ACVR1C: variants seen among roughly 807,000 people sequenced by gnomAD.
ACVR1C encodes the protein activin receptor type-1C.
Under a neutral mutation model 57.9 loss-of-function variants are expected in ACVR1C, and 23 were observed. That is an observed-to-expected ratio of 0.40 (90% CI 0.29 to 0.56). The LOEUF is 0.56. Ranked by LOEUF, ACVR1C falls within the 20% of genes least tolerant of loss-of-function variation. ACVR1C has a pLI of 0.50. For missense variants in ACVR1C, 480 were observed against 607.9 expected, an observed-to-expected ratio of 0.79 and a Z score of 2.21; for synonymous variants, 214 against 215.3, an observed-to-expected ratio of 0.99 and a Z score of 0.05.
intron 4 of ACVR1C, 46 bp downstream of exon 4, chr2:157,550,116 C>A: frequency 6.4e-7 from 1 of 1,570,194 alleles, no homozygotes; most frequent in Non-Finnish European, 8.7e-7. Flanking sequence ...GAGTCTCGCT[C>A]TAGACAGCAT....
chr2:157,560,237 G>A (rs2105228866), intron 2 of ACVR1C, among the ~76,000 whole-genome samples: 1 of 152,226 alleles, frequency 6.6e-6, no homozygotes, highest in South Asian at 2.1e-4. Flanking sequence ...AGACAATGTA[G>A]GCATGATCCC....
chr2:157,549,134 T>C, intron 4 of ACVR1C, among the ~76,000 whole-genome samples: 1 of 152,058 alleles, frequency 6.6e-6, no homozygotes, highest in East Asian at 1.9e-4. Flanking sequence ...GGGGGGTGGA[T>C]AACGAGGTCA....
At chr2:157,615,470 G>A (rs1044284557) in intron 1 of ACVR1C, among the ~76,000 whole-genome samples, 1 of 152,044 alleles carries the variant, frequency 6.6e-6, no homozygotes, top group Non-Finnish European at 1.5e-5. Context: ...GACCTCCCGA[G>A]CTCAAGCAAT....
At chr2:157,573,700 A>G (rs942740005) in intron 2 of ACVR1C, among the ~76,000 whole-genome samples, 12 of 152,252 alleles carry the variant, frequency 7.9e-5, no homozygotes, top group African/African-American at 2.9e-4. Flanking sequence ...TTCATGGACA[A>G]TATTAAGGTG....
chr2:157,556,331 T>G lies in ACVR1C; in HGVS notation c.306A>C (p.Ala102=). Residue 102 remains alanine (A), a splice_region_variant and synonymous_variant, in exon 3 of 9, where the codon GCA becomes GCC. Transcript: ENST00000243349. ...CNNITLHLPT[A]SPNAPKLGPM... is the part of the protein sequence containing the mutation. ...GTCCAAGTTTTGGGGCATTTGGTGA[T>G]GCTACAGTTTAAAGAAGAAAGAACA... 6.2e-7 allele frequency: 1 copy of G among 1,613,680 alleles called. No individual in the cohort carries two copies. Among genetic ancestry groups the G allele is most frequent in the Non-Finnish European group, 8.5e-7 (1 of 1,179,658 alleles).
intron 1 of ACVR1C, among the ~76,000 whole-genome samples, chr2:157,614,410 GC>G (rs1220698193): frequency 6.6e-6 from 1 of 151,960 alleles, no homozygotes; most frequent in Non-Finnish European, 1.5e-5. Flanking sequence ...TTTGTTCTAT[GC>G]CCCCACAATA....
intron 5 of ACVR1C, among the ~76,000 whole-genome samples, chr2:157,543,870 G>A (rs1188753672): frequency 1.3e-5 from 2 of 151,882 alleles, no homozygotes; most frequent in East Asian, 3.9e-4. Flanking sequence ...TGCCATTAAA[G>A]CAAGATCTCT....
At chr2:157,598,710 G>A (rs141246237) in intron 1 of ACVR1C, among the ~76,000 whole-genome samples, 95 of 151,852 alleles carry the variant, frequency 6.3e-4, no homozygotes, top group African/African-American at 2.1e-3. Flanking sequence ...GGCTAATTTT[G>A]TATTTTTAGT....
intron 2 of ACVR1C, among the ~76,000 whole-genome samples, chr2:157,562,587 T>C (rs1265966111): frequency 1.3e-5 from 2 of 151,596 alleles, no homozygotes; most frequent in African/African-American, 4.8e-5. Flanking sequence ...TTCCAAACAA[T>C]TGAAAAGGAG....
intron 1 of ACVR1C, among the ~76,000 whole-genome samples, chr2:157,614,293 T>A (rs1682595913): frequency 6.6e-6 from 1 of 152,212 alleles, no homozygotes; most frequent in South Asian, 2.1e-4. Flanking sequence ...CCTACAAGTA[T>A]GTAGAAGTTC....
chr2:157,590,942 C>T (rs1392452633), intron 1 of ACVR1C, among the ~76,000 whole-genome samples: 1 of 151,900 alleles, frequency 6.6e-6, no homozygotes, highest in Non-Finnish European at 1.5e-5. Flanking sequence ...AATAATATAT[C>T]TCCTCATAGT....
At chr2:157,562,625 G>A (rs1688269090) in intron 2 of ACVR1C, among the ~76,000 whole-genome samples, 1 of 151,810 alleles carries the variant, frequency 6.6e-6, no homozygotes, top group Admixed American at 6.6e-5. Flanking sequence ...ATTTTATGAG[G>A]GCAGCATCAT....
At chr2:157,607,650 G>A (rs956347734) in intron 1 of ACVR1C, among the ~76,000 whole-genome samples, 6 of 151,470 alleles carry the variant, frequency 4.0e-5, no homozygotes, top group African/African-American at 1.5e-4. Flanking sequence ...TTTCATCAGT[G>A]TTTTCTGGTT....
In ACVR1C at chr2:157,568,050, G is replaced by A. The variant is rs1386371159; in HGVS notation, c.305-11718C>T. Among the ~76,000 whole-genome samples, 5 of 150,618 alleles carry A rather than the reference G, an allele frequency of 3.3e-5. No individual in the cohort carries two copies. In the South Asian group the frequency reaches 1.1e-3, roughly 33 times the overall value. On this transcript the variant is annotated intron_variant, in intron 2 of 8. Transcript: ENST00000243349. ...AAACCCTACAAGCCAGAAGAGAGTG[G>A]GGGCCAATATTCAACATTCTTAAAG...
intron 1 of ACVR1C, among the ~76,000 whole-genome samples, chr2:157,615,766 A>C (rs1347787766): frequency 6.6e-6 from 1 of 152,210 alleles, no homozygotes; most frequent in African/African-American, 2.4e-5. Flanking sequence ...TTGTCACTTT[A>C]TTGCAATAGG....
At chr2:157,540,942 G>T in intron 7 of ACVR1C, 148 bp downstream of exon 7, 1 of 954,860 alleles carries the variant, frequency 1.0e-6, no homozygotes, top group Non-Finnish European at 1.5e-6. Context: ...TCCCACTTTT[G>T]CCACTGGAAA....
intron 4 of ACVR1C, 41 bp from the exon 5 acceptor site, chr2:157,544,653 G>A (rs752157647): frequency 6.5e-7 from 1 of 1,532,958 alleles, no homozygotes; most frequent in South Asian, 1.2e-5. Context: ...AATACATATT[G>A]AGAAAGAAGC....
chr2:157,574,021 T>C lies in ACVR1C; in HGVS notation c.304+13166A>G, dbSNP rs532210320. On this transcript the variant is annotated intron_variant, in intron 2 of 8. Coordinates refer to ENST00000243349, the MANE Select transcript of ACVR1C (RefSeq NM_145259.3). The stretch of plus-strand genomic sequence containing the variant: ...GAATGAAATAAATAAGAAAAGCCCA[T>C]GCCCGACACAGAAGAGTCAGTCACT... 2.4e-3 allele frequency among the ~76,000 whole-genome samples: 368 copies of C among 152,298 alleles called. 1 individual carries two copies. Among genetic ancestry groups the C allele is most frequent in the Admixed American group, 3.9e-3 (60 of 15,296 alleles).
chr2:157,588,347 C>T (rs1287909328), intron 1 of ACVR1C, among the ~76,000 whole-genome samples: 2 of 151,596 alleles, frequency 1.3e-5, no homozygotes, highest in African/African-American at 2.4e-5. Flanking sequence ...GCATGAAGCG[C>T]CTAGTGGTTG....
Sources: gnomAD v4.1 joint callset for allele counts (sites outside exome capture counted in the v4.1 genomes callset) on GRCh38, gnomAD v4.1.1 for gene constraint, MANE v1.5 for transcripts, NCBI Gene and HGNC (gene_info 2026-07-23, HGNC 2026-07-21) for gene names.